Variants in HPSE2 observed in about 807,000 individuals in gnomAD.
HPSE2 encodes the protein heparanase 2 (inactive), also known as inactive heparanase-2.
In HPSE2, 38 loss-of-function variants were observed where a neutral mutation model predicts 60.5. The ratio of observed to expected loss-of-function variants is 0.63; its 90% CI spans 0.48 to 0.82. The LOEUF (loss-of-function observed/expected upper bound fraction) is 0.82. Among genes scored for constraint, HPSE2 ranks in the 40% least tolerant of loss-of-function variants. The pLI, the probability that HPSE2 is intolerant of heterozygous loss-of-function variation, is 0.00. For synonymous variants in HPSE2, 295 were observed against 293.2 expected, an observed-to-expected ratio of 1.01 and a Z score of -0.06; for missense variants, 713 against 740.4, an observed-to-expected ratio of 0.96 and a Z score of 0.43.
intron 6 of HPSE2, among the ~76,000 whole-genome samples, chr10:98,651,081 T>C (rs1946901294): frequency 6.6e-6 from 1 of 152,196 alleles, no homozygotes; most frequent in South Asian, 2.1e-4. Flanking sequence ...AAATTCAATG[T>C]CATAGAGCTA....
At chr10:98,796,939 T>C (rs2095598) in intron 3 of HPSE2, among the ~76,000 whole-genome samples, 8,315 of 152,232 alleles carry the variant, frequency 0.055, 715 homozygotes, top group African/African-American at 0.18. Context: ...GTGGTAGCTC[T>C]ACGAGTCTGC....
At chr10:98,555,311 T>A (rs1943973477) in intron 9 of HPSE2, among the ~76,000 whole-genome samples, 1 of 152,230 alleles carries the variant, frequency 6.6e-6, no homozygotes, top group African/African-American at 2.4e-5. Context: ...CCACCCTTTT[T>A]ATGCCTCCCC....
rs1386635831 is a variant in HPSE2 at position 98,485,420 on chromosome 10, A to T, written c.1467-2638T>A. Among the ~76,000 whole-genome samples the T allele has an allele frequency of 5.3e-5, 8 of 152,170 alleles. 1 individual carries two copies. In the East Asian group the frequency reaches 1.5e-3, roughly 29 times the overall value. The stretch of plus-strand genomic sequence containing the variant: ...GCCTGCATTTGTGTTCTGATAAATT[A>T]TTAAAACGACTCTTTCATCCAGTTC... On this transcript the variant is annotated intron_variant, in intron 10 of 11. Transcript: ENST00000370552.
intron 9 of HPSE2, among the ~76,000 whole-genome samples, chr10:98,596,062 T>C (rs1030656079): frequency 1.3e-5 from 2 of 152,232 alleles, no homozygotes; most frequent in African/African-American, 2.4e-5. Flanking sequence ...CAGTTGATCA[T>C]GATAAATAAT....
chr10:98,504,368 T>A (rs892302644), intron 9 of HPSE2, among the ~76,000 whole-genome samples: 2 of 152,220 alleles, frequency 1.3e-5, no homozygotes, highest in Non-Finnish European at 2.9e-5. Context: ...CCTTATTGTC[T>A]GACTCTCATT....
intron 11 of HPSE2, among the ~76,000 whole-genome samples, chr10:98,466,028 C>G (rs1043785319): frequency 5.3e-5 from 8 of 152,210 alleles, no homozygotes; most frequent in Non-Finnish European, 8.8e-5. Flanking sequence ...GTCACTCCCC[C>G]GCTACCCTCC....
intron 3 of HPSE2, among the ~76,000 whole-genome samples, chr10:98,943,252 T>A (rs907915630): frequency 4.0e-4 from 61 of 150,898 alleles, no homozygotes; most frequent in African/African-American, 1.4e-3. Flanking sequence ...TAAAAAATTA[T>A]AATAAAAAAA....
intron 3 of HPSE2, among the ~76,000 whole-genome samples, chr10:98,946,249 T>C (rs1352049415): frequency 1.3e-5 from 2 of 151,952 alleles, no homozygotes; most frequent in African/African-American, 4.8e-5. Flanking sequence ...GTGGGAGGAT[T>C]GCTTGAGGTC....
chr10:99,088,193 C>T (rs1231945778), intron 3 of HPSE2, among the ~76,000 whole-genome samples: 1 of 152,012 alleles, frequency 6.6e-6, no homozygotes. Flanking sequence ...AGTGACCTCT[C>T]CCCTCAATAC....
the HPSE2 span, among the ~76,000 whole-genome samples, chr10:99,250,074 T>A: frequency 1.4e-5 from 2 of 146,362 alleles, no homozygotes; most frequent in African/African-American, 5.1e-5. Flanking sequence ...AACCGGAAGG[T>A]GGAGGTCACA....
In HPSE2 at chr10:98,459,052, C is replaced by A. The variant is rs1197698021; in HGVS notation, c.*522G>T. ...GGCCAGGGCTGACACACCCATTACT[C>A]CCCTATGGAAAGAGATGTGTCAAAA... On this transcript the variant is annotated 3_prime_UTR_variant, in exon 12 of 12. Coordinates refer to ENST00000370552, the MANE Select transcript of HPSE2 (RefSeq NM_021828.5). 5.0e-6 allele frequency: 1 copy of A among 198,350 alleles called. No individual in the cohort carries two copies. The allele number at this position is 198,350 out of a possible 1,614,324, so 12.3% of individuals were successfully genotyped here.
chr10:98,839,549 A>T (rs1333815914), intron 3 of HPSE2, among the ~76,000 whole-genome samples: 3 of 152,252 alleles, frequency 2.0e-5, no homozygotes, highest in Non-Finnish European at 2.9e-5. Context: ...TAGTAGGAGA[A>T]ATAGGAGATA....
At chr10:98,765,207 T>C (rs1950093674) in intron 3 of HPSE2, among the ~76,000 whole-genome samples, 1 of 152,174 alleles carries the variant, frequency 6.6e-6, no homozygotes, top group Non-Finnish European at 1.5e-5. Flanking sequence ...TATAGTAAAG[T>C]ACATTCTTTA....
chr10:98,841,914 C>T (rs1951923352), intron 3 of HPSE2, among the ~76,000 whole-genome samples: 1 of 151,750 alleles, frequency 6.6e-6, no homozygotes, highest in African/African-American at 2.4e-5. Flanking sequence ...TCAAGCAATT[C>T]TCCTGCCTCA....
chr10:98,591,597 G>A (rs943764871), intron 9 of HPSE2, among the ~76,000 whole-genome samples: 1 of 152,110 alleles, frequency 6.6e-6, no homozygotes, highest in Non-Finnish European at 1.5e-5. Context: ...GGGAGGCAGA[G>A]GTTGTAGTCA....
chr10:98,774,135 T>A (rs1239495278), intron 3 of HPSE2, among the ~76,000 whole-genome samples: 27 of 152,092 alleles, frequency 1.8e-4, no homozygotes, highest in Admixed American at 1.7e-3. Flanking sequence ...TTAAAACATA[T>A]TTTCATATGT....
At chr10:98,856,496 A>G (rs1952318496) in intron 3 of HPSE2, among the ~76,000 whole-genome samples, 1 of 152,218 alleles carries the variant, frequency 6.6e-6, no homozygotes, top group Non-Finnish European at 1.5e-5. Flanking sequence ...GAGGAAAAAA[A>G]TGCATTACAT....
At chr10:99,145,909 T>C (rs1846036220) in intron 2 of HPSE2, among the ~76,000 whole-genome samples, 1 of 152,160 alleles carries the variant, frequency 6.6e-6, no homozygotes, top group Non-Finnish European at 1.5e-5. Context: ...CACACAAAGA[T>C]AAGCCAGATG....
intron 3 of HPSE2, among the ~76,000 whole-genome samples, chr10:98,942,602 G>A (rs1196830558): frequency 6.6e-6 from 1 of 152,140 alleles, no homozygotes. Context: ...AGAGGATGCA[G>A]AGAAATAGGA....
Sources: allele counts gnomAD v4.1 joint callset (sites outside exome capture counted in the v4.1 genomes callset), GRCh38; gene constraint gnomAD v4.1.1; transcripts MANE v1.5; gene names NCBI Gene and HGNC (gene_info 2026-07-23, HGNC 2026-07-21).